The following DTWD2 variants were observed in gnomAD, a reference collection of about 807,000 sequenced individuals.
DTWD2 encodes tRNA-uridine aminocarboxypropyltransferase 2.
Under a neutral mutation model 31.8 loss-of-function variants are expected in DTWD2, and 39 were observed. The observed-to-expected ratio is 1.22, with a 90% confidence interval of 0.95 to 1.60. The LOEUF is 1.60. Ranked by LOEUF, DTWD2 falls within the 40% of genes most tolerant of loss-of-function variation. DTWD2 has a pLI of 0.00. For missense variants in DTWD2, 515 were observed against 381.5 expected, an observed-to-expected ratio of 1.35 and a Z score of -2.92; for synonymous variants, 180 against 142.8, an observed-to-expected ratio of 1.26 and a Z score of -1.86.
At chr5:118,973,774 C>G in intron 1 of DTWD2, 1 of 1,610,868 alleles carries the variant, frequency 6.2e-7, no homozygotes, top group South Asian at 1.1e-5. Flanking sequence ...TCGCCTGCAT[C>G]GGATCACCGG....
chr5:118,899,196 G>A (rs1197136207), intron 4 of DTWD2, among the ~76,000 whole-genome samples: 1 of 152,202 alleles, frequency 6.6e-6, no homozygotes, highest in African/African-American at 2.4e-5. Context: ...GCTGTCTAGA[G>A]TTCCTGAGCT....
intron 1 of DTWD2, among the ~76,000 whole-genome samples, chr5:118,970,897 G>GC (rs1754969666): frequency 6.6e-6 from 1 of 152,096 alleles, no homozygotes; most frequent in Admixed American, 6.5e-5. Context: ...AGCTTAATAA[G>GC]CAAGGGAGAA....
intron 4 of DTWD2, among the ~76,000 whole-genome samples, chr5:118,898,055 G>T (rs1437292525): frequency 6.6e-6 from 1 of 151,392 alleles, no homozygotes; most frequent in African/African-American, 2.4e-5. Flanking sequence ...AGTAGAGATG[G>T]GTTTTTGCCG....
chr5:118,908,697 A>G (rs1055826287), intron 4 of DTWD2, among the ~76,000 whole-genome samples: 3 of 152,110 alleles, frequency 2.0e-5, no homozygotes, highest in Non-Finnish European at 2.9e-5. Context: ...ACCCATCAAA[A>G]TGAACAAAAG....
At chr5:118,949,145 G>A (rs1174964774) in intron 1 of DTWD2, among the ~76,000 whole-genome samples, 1 of 152,176 alleles carries the variant, frequency 6.6e-6, no homozygotes, top group African/African-American at 2.4e-5. Flanking sequence ...ATTTGTAGGA[G>A]GGGCTATAAA....
intron 4 of DTWD2, among the ~76,000 whole-genome samples, chr5:118,921,307 T>C (rs771118447): frequency 2.2e-4 from 33 of 150,328 alleles, no homozygotes; most frequent in Non-Finnish European, 4.6e-4. Context: ...AAGCCAGGAG[T>C]TCAAAACCAG....
intron 4 of DTWD2, among the ~76,000 whole-genome samples, chr5:118,920,082 T>G (rs1379248460): frequency 1.3e-5 from 2 of 151,776 alleles, no homozygotes; most frequent in Non-Finnish European, 2.9e-5. Context: ...CTCCAGTCCA[T>G]GAAAAAAATT....
chr5:118,966,544 G>T (rs74641087), intron 1 of DTWD2, among the ~76,000 whole-genome samples: 1 of 152,106 alleles, frequency 6.6e-6, no homozygotes, highest in Non-Finnish European at 1.5e-5. Context: ...TCATACTCAG[G>T]CAAATTAGTT....
intron 4 of DTWD2, among the ~76,000 whole-genome samples, chr5:118,912,562 T>A (rs1753480393): frequency 6.6e-6 from 1 of 152,216 alleles, no homozygotes; most frequent in African/African-American, 2.4e-5. Context: ...TTGCCCATAT[T>A]GTTTTACTCT....
intron 1 of DTWD2, chr5:118,973,770 G>T: frequency 6.2e-7 from 1 of 1,610,600 alleles, no homozygotes; most frequent in Non-Finnish European, 8.5e-7. Context: ...TTAATCGCCT[G>T]CATCGGATCA....
chr5:118,976,625 C>T (rs1755167277), intron 1 of DTWD2, among the ~76,000 whole-genome samples: 1 of 152,054 alleles, frequency 6.6e-6, no homozygotes, highest in Non-Finnish European at 1.5e-5. Context: ...ATACACCCTC[C>T]CAACACTAAA....
intron 1 of DTWD2, among the ~76,000 whole-genome samples, chr5:118,962,627 A>C (rs1754732642): frequency 6.6e-6 from 1 of 152,242 alleles, no homozygotes; most frequent in African/African-American, 2.4e-5. Flanking sequence ...GGGATTAGGG[A>C]GTAAAAATAA....
At chr5:118,857,951 G>A (rs904629829) in intron 4 of DTWD2, among the ~76,000 whole-genome samples, 2 of 152,172 alleles carry the variant, frequency 1.3e-5, no homozygotes, top group South Asian at 4.1e-4. Flanking sequence ...GTTTACAGAT[G>A]TATGAAAAGC....
chr5:118,944,231 G>C (rs1317068356), intron 2 of DTWD2, among the ~76,000 whole-genome samples: 1 of 152,090 alleles, frequency 6.6e-6, no homozygotes, highest in Non-Finnish European at 1.5e-5. Flanking sequence ...AGAAACATAA[G>C]CTATGACCAA....
chr5:118,945,862 G>A (rs1055918121), intron 1 of DTWD2, among the ~76,000 whole-genome samples: 1 of 151,516 alleles, frequency 6.6e-6, no homozygotes, highest in Non-Finnish European at 1.5e-5. Context: ...TTTCACAAAC[G>A]ATCACAGGCA....
At chr5:118,937,383 C>CAAAAAA (rs70982459) in intron 3 of DTWD2, among the ~76,000 whole-genome samples, 2 of 132,196 alleles carry the variant, frequency 1.5e-5, no homozygotes, top group Non-Finnish European at 3.3e-5. Context: ...GTTATCACTG[C>CAAAAAA]AAAAAAAAAA....
intron 4 of DTWD2, among the ~76,000 whole-genome samples, chr5:118,918,578 AC>A (rs1221190156): frequency 6.6e-6 from 1 of 152,186 alleles, no homozygotes; most frequent in Non-Finnish European, 1.5e-5. Flanking sequence ...ATCTGAAGCT[AC>A]CACAGAAGGC....
At chr5:118,865,079 C>T (rs1038721690) in intron 4 of DTWD2, among the ~76,000 whole-genome samples, 3 of 152,100 alleles carry the variant, frequency 2.0e-5, no homozygotes, top group African/African-American at 7.2e-5. Context: ...AATCTCATGA[C>T]TAATTATTTA....
intron 3 of DTWD2, 21 bp downstream of exon 3, chr5:118,939,175 T>A: frequency 1.3e-6 from 2 of 1,582,538 alleles, no homozygotes; most frequent in South Asian, 2.3e-5. Context: ...ATTATTTACA[T>A]TGCCCTAACA....
Sources: allele counts gnomAD v4.1 joint callset (sites outside exome capture counted in the v4.1 genomes callset), GRCh38; gene constraint gnomAD v4.1.1; transcripts MANE v1.5; gene names NCBI Gene and HGNC (gene_info 2026-07-23, HGNC 2026-07-21).